Variants in EGFLAM observed in about 807,000 individuals in gnomAD.
EGFLAM encodes the protein pikachurin.
EGFLAM carries 79 observed loss-of-function variants against 113.1 expected under a neutral mutation model. The observed-to-expected ratio is 0.70, with a 90% CI of 0.58 to 0.84. The LOEUF (loss-of-function observed/expected upper bound fraction) is 0.84. Ranked by LOEUF, EGFLAM falls within the 40% of genes least tolerant of loss-of-function variation. EGFLAM has a pLI of 0.00. For missense variants in EGFLAM, 1,265 were observed against 1,291.6 expected (o/e 0.98, Z 0.32); for synonymous variants, 504 against 487.6 (o/e 1.03, Z -0.44).
intron 1 of EGFLAM, among the ~76,000 whole-genome samples, chr5:38,269,877 C>T (rs996106006): frequency 1.3e-5 from 2 of 152,198 alleles, no homozygotes; most frequent in Non-Finnish European, 2.9e-5. Flanking sequence ...GGGCTGATGA[C>T]TTAACAAAAA....
intron 1 of EGFLAM, among the ~76,000 whole-genome samples, chr5:38,307,305 C>A (rs1199665669): frequency 6.6e-6 from 1 of 152,104 alleles, no homozygotes; most frequent in Non-Finnish European, 1.5e-5. Flanking sequence ...ATTGTAGTTC[C>A]CATAATCCCC....
chr5:38,300,814 G>A (rs2111825162), intron 1 of EGFLAM, among the ~76,000 whole-genome samples: 1 of 152,324 alleles, frequency 6.6e-6, no homozygotes, highest in Non-Finnish European at 1.5e-5. Flanking sequence ...AAGCAGCAGA[G>A]GTGGTGAGAA....
intron 6 of EGFLAM, 23 bp from the exon 7 acceptor site, chr5:38,406,103 G>A: frequency 5.7e-6 from 9 of 1,588,428 alleles, no homozygotes; most frequent in Non-Finnish European, 7.8e-6. Flanking sequence ...CTGATGAAGG[G>A]TGTGCTGCTT....
chr5:38,364,457 G>T (rs1445896533), intron 5 of EGFLAM, among the ~76,000 whole-genome samples: 1 of 152,176 alleles, frequency 6.6e-6, no homozygotes, highest in African/African-American at 2.4e-5. Flanking sequence ...GCAGTGGCTT[G>T]GAGGCAAGAA....
At chr5:38,320,153 T>TTCC (rs1488280157) in intron 1 of EGFLAM, among the ~76,000 whole-genome samples, 20 of 152,236 alleles carry the variant, frequency 1.3e-4, no homozygotes, top group African/African-American at 4.6e-4. Context: ...TTCATTCCAG[T>TTCC]TCCTCCCTAA....
Position 38,435,070 on chromosome 5 carries a change from A to T in EGFLAM, c.2167-67A>T, listed in dbSNP as rs2561817. The stretch of plus-strand genomic sequence containing the variant: ...TTTGTTCCCCAACAGGGAACTGAAG[A>T]CACATTTGATCATTTTGAACATCTG... On this transcript the variant is annotated intron_variant, in intron 15 of 21. Coordinates refer to ENST00000322350, the MANE Select transcript of EGFLAM (RefSeq NM_152403.4). The T allele has an allele frequency of 5.5e-4, 749 of 1,368,320 alleles. 2 individuals carry two copies. The African/African-American group carries it at 9.9e-3, about 18-fold the overall frequency. The allele number at this position is 1,368,320 out of a possible 1,614,324, so 84.8% of individuals were successfully genotyped here.
At chr5:38,262,066 C>T (rs1046138322) in intron 1 of EGFLAM, among the ~76,000 whole-genome samples, 2 of 152,192 alleles carry the variant, frequency 1.3e-5, no homozygotes, top group African/African-American at 4.8e-5. Context: ...GTGAAAAGTC[C>T]TCATTTTGCA....
At chr5:38,399,277 G>GTTTTTTTTTTTTTTTTTTTTTTT (rs797021726) in intron 6 of EGFLAM, among the ~76,000 whole-genome samples, 1 of 118,472 alleles carries the variant, frequency 8.4e-6, no homozygotes, top group Non-Finnish European at 1.8e-5. Context: ...TTTTGTTTTC[G>GTTTTTTTTTTTTTTTTTTTTTTT]TTTTTTTTTT....
At chr5:38,301,602 G>A (rs1014896792) in intron 1 of EGFLAM, among the ~76,000 whole-genome samples, 1 of 152,024 alleles carries the variant, frequency 6.6e-6, no homozygotes, top group African/African-American at 2.4e-5. Flanking sequence ...AACAATAGTA[G>A]GTTTAAGTGA....
chr5:38,391,618 C>T (rs572849148), intron 6 of EGFLAM, among the ~76,000 whole-genome samples: 4 of 151,772 alleles, frequency 2.6e-5, no homozygotes, highest in Admixed American at 6.6e-5. Context: ...AGGCTGGTCT[C>T]GAACTCGACT....
intron 11 of EGFLAM, 57 bp from the exon 12 acceptor site, chr5:38,418,009 T>A: frequency 6.5e-7 from 1 of 1,533,492 alleles, no homozygotes; most frequent in Non-Finnish European, 8.8e-7. Flanking sequence ...ATCTGGTGTG[T>A]TTTGGCTTTT....
At chr5:38,373,090 AG>A (rs931013008) in intron 6 of EGFLAM, among the ~76,000 whole-genome samples, 2 of 152,264 alleles carry the variant, frequency 1.3e-5, no homozygotes, top group African/African-American at 4.8e-5. Flanking sequence ...ATACATTTGA[AG>A]TATCAGAGCT....
chr5:38,308,305 T>C (rs1719194226), intron 1 of EGFLAM, among the ~76,000 whole-genome samples: 1 of 152,222 alleles, frequency 6.6e-6, no homozygotes, highest in South Asian at 2.1e-4. Context: ...TGCCTGCCAA[T>C]GGGGCCACTT....
At chr5:38,351,480 C>T (rs1380115627) in intron 4 of EGFLAM, among the ~76,000 whole-genome samples, 4 of 152,118 alleles carry the variant, frequency 2.6e-5, no homozygotes, top group East Asian at 3.9e-4. Flanking sequence ...GCCCCAGCCT[C>T]GGAGGCTTTC....
At chr5:38,316,577 C>T (rs902577621) in intron 1 of EGFLAM, among the ~76,000 whole-genome samples, 2 of 152,148 alleles carry the variant, frequency 1.3e-5, no homozygotes, top group African/African-American at 4.8e-5. Context: ...TACATTTTAG[C>T]TATGATGATT....
intron 12 of EGFLAM, among the ~76,000 whole-genome samples, chr5:38,418,691 A>T (rs1015254179): frequency 3.9e-5 from 6 of 152,200 alleles, no homozygotes; most frequent in Admixed American, 3.9e-4. Context: ...CGCTGTGCCA[A>T]ACATCTTCTC....
intron 5 of EGFLAM, among the ~76,000 whole-genome samples, chr5:38,355,210 T>C (rs1739735200): frequency 6.6e-6 from 1 of 152,218 alleles, no homozygotes; most frequent in African/African-American, 2.4e-5. Flanking sequence ...CTTGATTCCA[T>C]TGAGATCTCT....
At chr5:38,284,139 G>C (rs925752717) in intron 1 of EGFLAM, 2 of 152,276 alleles carry the variant, frequency 1.3e-5, no homozygotes, top group African/African-American at 4.8e-5. Context: ...TGTGTCATAG[G>C]ACAGTGTCAG....
intron 1 of EGFLAM, among the ~76,000 whole-genome samples, chr5:38,292,044 T>C (rs750778845): frequency 6.6e-6 from 1 of 152,200 alleles, no homozygotes; most frequent in Non-Finnish European, 1.5e-5. Context: ...CTTGTTAATA[T>C]TGACCTTCAG....
Sources: allele counts gnomAD v4.1 joint callset (sites outside exome capture counted in the v4.1 genomes callset), GRCh38; gene constraint gnomAD v4.1.1; transcripts MANE v1.5; gene names NCBI Gene and HGNC (gene_info 2026-07-23, HGNC 2026-07-21).